CWC25: variants seen among roughly 807,000 people sequenced by gnomAD.
The protein encoded by CWC25 is CWC25 spliceosome associated protein.
A neutral mutation model predicts 54.6 loss-of-function variants in CWC25; 31 were observed. The observed-to-expected ratio is 0.57, with a 90% CI of 0.43 to 0.77. The LOEUF (loss-of-function observed/expected upper bound fraction) is 0.77. CWC25 is among the 30% of genes least tolerant of loss of function. CWC25 has a pLI of 0.00. For missense variants in CWC25, 453 were observed against 529.3 expected (o/e 0.86, Z 1.41); for synonymous variants, 151 against 187.0 (o/e 0.81, Z 1.57).
chr17:38,824,599 T>C (rs1182922470), intron 1 of CWC25, among the ~76,000 whole-genome samples: 5 of 151,642 alleles, frequency 3.3e-5, no homozygotes, highest in Non-Finnish European at 7.4e-5. Flanking sequence ...GGCAGGAGAA[T>C]CGCTTGAACC....
In CWC25 at chr17:38,809,593, G is replaced by C. The variant is rs1001077073; in HGVS notation, c.690+109C>G. 12 of 992,382 alleles carry C rather than the reference G, an allele frequency of 1.2e-5. No individual in the cohort carries two copies. The Admixed American group carries it at 2.9e-4, about 24-fold the overall frequency. 61.5% of individuals were successfully genotyped at this position (992,382 alleles called of 1,614,324 possible). On this transcript the variant is annotated intron_variant, in intron 6 of 9. Coordinates refer to ENST00000614790, the MANE Select transcript of CWC25 (RefSeq NM_017748.5). ...GGTGCTCAGCGATAAGAATGGGCCTGTTTCCCAGCAGCCCAGGCTTCACTG... is the reference window on the plus strand; with the variant it reads ...GGTGCTCAGCGATAAGAATGGGCCTCTTTCCCAGCAGCCCAGGCTTCACTG...
intron 8 of CWC25, among the ~76,000 whole-genome samples, chr17:38,804,222 A>G (rs1472759966): frequency 6.6e-6 from 1 of 152,130 alleles, no homozygotes; most frequent in Non-Finnish European, 1.5e-5. Flanking sequence ...AGTAAACAAT[A>G]TTTATATATC....
rs757083983 is a variant in CWC25 at position 38,802,165 on chromosome 17, T to G, written c.1205A>C (p.Asp402Ala). The change falls in exon 10 of 10, where the codon GAT becomes GCT. Residue 402 changes from aspartate to alanine, a missense_variant. Physicochemically the swap from Asp to Ala is moderately radical, Grantham distance 126 (BLOSUM62 -2). Coordinates refer to ENST00000614790, the MANE Select transcript of CWC25 (RefSeq NM_017748.5). The stretch of plus-strand genomic sequence containing the variant: ...AGAGTAGATATTCCGCTTCACCCGA[T>G]CCTCCAGGGAGGAAGTAGATGCACT... ...LESASTSSLE[D>A]RVKRNIYSLQ... 1.1e-5 allele frequency: 17 copies of G among 1,613,820 alleles called. No individual in the cohort carries two copies. Among genetic ancestry groups the G allele is most frequent in the Non-Finnish European group, 1.3e-5 (15 of 1,179,852 alleles).
intron 8 of CWC25, among the ~76,000 whole-genome samples, chr17:38,803,629 C>CA (rs935930321): frequency 6.4e-5 from 9 of 140,942 alleles, no homozygotes; most frequent in South Asian, 2.3e-4. Context: ...GTCTCTGTCT[C>CA]AAAAAAAAAT....
chr17:38,813,827 A>G (rs1033843862), intron 3 of CWC25, among the ~76,000 whole-genome samples: 3 of 152,020 alleles, frequency 2.0e-5, no homozygotes, highest in African/African-American at 7.2e-5. Flanking sequence ...TACAGGTGTG[A>G]TCCACCGTAC....
rs1264148642 is a variant in CWC25, at chr17:38,814,874, G to T, written c.415C>A (p.Leu139Ile). The T allele has an allele frequency of 1.2e-6, 2 of 1,612,754 alleles. No individual in the cohort carries two copies. Among genetic ancestry groups the T allele is most frequent in the Non-Finnish European group, 1.7e-6 (2 of 1,179,632 alleles). ...CCCCATTAGTACCTGATGATGAAGA[G>T]TGGGTCCTCCCGGATCTTGCTGGCC... is the stretch of plus-strand genomic sequence containing the variant. ...DMASKIREDP[L>I]FIIRKKEEEK... The change falls in exon 3 of 10, where the codon CTC (leucine) becomes ATC (isoleucine). Residue 139 changes from leucine (L) to isoleucine (I), a missense_variant. Transcript: ENST00000614790.
rs1433660538 is a variant in CWC25, at chr17:38,808,072, A to G, written c.691-1096T>C. Among the ~76,000 whole-genome samples the G allele has an allele frequency of 1.8e-5, 2 of 112,762 alleles. 1 individual carries two copies. Among genetic ancestry groups the G allele is most frequent in the Non-Finnish European group, 3.5e-5 (2 of 57,456 alleles). The allele number at this position is 112,762 out of a possible 152,430, so 74.0% of individuals were successfully genotyped here. On this transcript the variant is annotated intron_variant, in intron 6 of 9. Transcript: ENST00000614790. ...CTCCATCTCAAAAAAAAAAAAAAAA[A>G]GAAAAGAAAAGAAAAGAATATACCT...
intron 1 of CWC25, among the ~76,000 whole-genome samples, chr17:38,822,996 C>T (rs1250195940): frequency 6.6e-6 from 1 of 151,228 alleles, no homozygotes; most frequent in Non-Finnish European, 1.5e-5. Flanking sequence ...CGCCACCATG[C>T]CCAGCTAATT....
chr17:38,812,925 C>G, intron 3 of CWC25, 61 bp from the exon 4 acceptor site: 6 of 936,264 alleles, frequency 6.4e-6, no homozygotes, highest in Non-Finnish European at 6.7e-6. Context: ...TATGGAGTAA[C>G]CTTTTCTCCA....
At chr17:38,809,606 C>CCAGG (rs760166255) in intron 6 of CWC25, 96 bp downstream of exon 6, 2 of 1,158,246 alleles carry the variant, frequency 1.7e-6, no homozygotes, top group Non-Finnish European at 2.5e-6. Flanking sequence ...TCCCAGCAGC[C>CCAGG]CAGGCTTCAC....
chr17:38,824,529 A>G (rs1290379203), intron 1 of CWC25, among the ~76,000 whole-genome samples: 1 of 152,136 alleles, frequency 6.6e-6, no homozygotes, highest in Non-Finnish European at 1.5e-5. Context: ...TCTACTAAAA[A>G]TACAAAATTA....
chr17:38,821,745 A>G (rs953688656), intron 1 of CWC25, among the ~76,000 whole-genome samples: 9 of 152,052 alleles, frequency 5.9e-5, no homozygotes. Flanking sequence ...TTGAAAGAGA[A>G]CAGAACTCAT....
At chr17:38,818,401 G>A (rs1009962584) in intron 2 of CWC25, among the ~76,000 whole-genome samples, 10 of 151,154 alleles carry the variant, frequency 6.6e-5, no homozygotes, top group Admixed American at 5.3e-4. Context: ...CACCATCCTG[G>A]CTAACACAGT....
At chr17:38,815,180 G>C in intron 2 of CWC25, 83 bp from the exon 3 acceptor site, 2 of 1,212,192 alleles carry the variant, frequency 1.6e-6, no homozygotes, top group Non-Finnish European at 2.4e-6. Context: ...GGACACAAGG[G>C]AGAGAGAACC....
intron 2 of CWC25, among the ~76,000 whole-genome samples, chr17:38,815,339 TGAGGTCAG>T (rs1911653983): frequency 6.6e-6 from 1 of 152,102 alleles, no homozygotes; most frequent in Non-Finnish European, 1.5e-5. Flanking sequence ...GTGGATCACT[TGAGGTCAG>T]GAGTTCGAGA....
intron 6 of CWC25, among the ~76,000 whole-genome samples, chr17:38,808,898 A>T (rs1911364431): frequency 6.7e-6 from 1 of 150,288 alleles, no homozygotes; most frequent in African/African-American, 2.5e-5. Flanking sequence ...GTGAGCTGAG[A>T]TCGCGCCATT....
intron 6 of CWC25, among the ~76,000 whole-genome samples, chr17:38,808,381 CAA>C (rs1204355591): frequency 1.9e-5 from 2 of 107,322 alleles, no homozygotes; most frequent in Admixed American, 1.0e-4. Flanking sequence ...GACTCCCTCT[CAA>C]AAAAAAAAAA....
intron 1 of CWC25, among the ~76,000 whole-genome samples, chr17:38,823,771 T>G (rs1912024372): frequency 6.6e-6 from 1 of 152,166 alleles, no homozygotes; most frequent in South Asian, 2.1e-4. Flanking sequence ...GCCTCAAGCA[T>G]AGATTATTTT....
chr17:38,825,057 G>T (rs944993529), intron 1 of CWC25, 109 bp downstream of exon 1: 1 of 1,054,598 alleles, frequency 9.5e-7, no homozygotes, highest in South Asian at 1.8e-5. Context: ...TCCTCCCGGC[G>T]AAAGCAAAGC....
Sources: gnomAD v4.1 joint callset for allele counts (sites outside exome capture counted in the v4.1 genomes callset) on GRCh38, gnomAD v4.1.1 for gene constraint, MANE v1.5 for transcripts, NCBI Gene and HGNC (gene_info 2026-07-23, HGNC 2026-07-21) for gene names.